Variants in SLC5A11 observed in about 807,000 individuals in gnomAD.
The protein encoded by SLC5A11 is solute carrier family 5 member 11.
Under a neutral mutation model 69.8 loss-of-function variants are expected in SLC5A11, and 48 were observed. That is an observed-to-expected ratio of 0.69 (90% CI 0.55 to 0.87). The LOEUF is 0.87. SLC5A11 is among the 40% of genes least tolerant of loss of function. SLC5A11 has a pLI of 0.00. For missense variants in SLC5A11, 784 were observed against 866.1 expected (o/e 0.91, Z 1.19); for synonymous variants, 319 against 342.4 (o/e 0.93, Z 0.75).
chr16:24,860,482 G>A (rs1426158995), intron 2 of SLC5A11, among the ~76,000 whole-genome samples: 2 of 152,038 alleles, frequency 1.3e-5, no homozygotes, highest in Non-Finnish European at 2.9e-5. Context: ...AATAAACTCT[G>A]TACACTGTTT....
chr16:24,874,349 A>C (rs972293155), intron 5 of SLC5A11, among the ~76,000 whole-genome samples: 2 of 152,176 alleles, frequency 1.3e-5, no homozygotes, highest in African/African-American at 4.8e-5. Context: ...ATCTACCTCT[A>C]AGTGGAATTT....
At chr16:24,895,360 G>A (rs1227365681) in intron 9 of SLC5A11, among the ~76,000 whole-genome samples, 1 of 151,278 alleles carries the variant, frequency 6.6e-6, no homozygotes, top group Non-Finnish European at 1.5e-5. Flanking sequence ...ATGGTGGCAG[G>A]ATCCTGTAAT....
exon 16 of SLC5A11, chr16:24,911,418 G>C (rs1446656584): frequency 6.2e-7 from 1 of 1,613,988 alleles, no homozygotes; most frequent in East Asian, 2.2e-5. Context: ...CTCCCGGCCA[G>C]AGCAGAAGCC....
intron 3 of SLC5A11, among the ~76,000 whole-genome samples, chr16:24,867,735 C>T (rs1294504589): frequency 6.6e-6 from 1 of 151,934 alleles, no homozygotes; most frequent in Non-Finnish European, 1.5e-5. Context: ...ATGCTGTGAG[C>T]AATTATATGC....
At chr16:24,883,531 G>A (rs1224268004) in intron 7 of SLC5A11, among the ~76,000 whole-genome samples, 1 of 152,174 alleles carries the variant, frequency 6.6e-6, no homozygotes, top group East Asian at 1.9e-4. Flanking sequence ...CAAGTCCATG[G>A]GTTCCTGGGT....
chr16:24,854,208 C>T (rs2059432197), intron 1 of SLC5A11, among the ~76,000 whole-genome samples: 1 of 152,174 alleles, frequency 6.6e-6, no homozygotes. Flanking sequence ...TCCCTCTGCC[C>T]CACTCCCCAA....
chr16:24,887,918 T>C (rs274070), intron 8 of SLC5A11, among the ~76,000 whole-genome samples: 112,511 of 151,966 alleles, frequency 0.74, 41,759 homozygotes, highest in Admixed American at 0.78. Context: ...AAAGAGATAA[T>C]CTTTGCTTAT....
chr16:24,863,000 ATTTATGTAATATATAG>A (rs2046691033), intron 3 of SLC5A11, among the ~76,000 whole-genome samples: 1 of 135,422 alleles, frequency 7.4e-6, no homozygotes, highest in Non-Finnish European at 1.6e-5. Context: ...ATAATCATAT[ATTTATGTAATATATAG>A]TTATATAATA....
intron 10 of SLC5A11, among the ~76,000 whole-genome samples, chr16:24,905,280 A>C (rs1173284909): frequency 2.4e-4 from 36 of 146,974 alleles, no homozygotes; most frequent in African/African-American, 7.8e-4. Flanking sequence ...AAAAAAAAAA[A>C]AAAAAAAAAA....
intron 5 of SLC5A11, 68 bp downstream of exon 6, chr16:24,872,287 C>T (rs908436285): frequency 1.3e-6 from 2 of 1,556,268 alleles, no homozygotes; most frequent in South Asian, 2.2e-5. Flanking sequence ...CCTGCAGTCC[C>T]TCCCTCATCC....
In SLC5A11 at chr16:24,904,073, G is replaced by A. The variant is rs376165979; in HGVS notation, c.1007-2584G>A. On this transcript the variant is annotated intron_variant, in intron 10 of 15. Transcript: ENST00000347898. ...AGTCCAAGCTCAGAAAATGCCAGAC[G>A]TTTATAAAACCATCAGATCTCATGA... Among the ~76,000 whole-genome samples, 8 of 152,256 alleles carry A rather than the reference G, an allele frequency of 5.3e-5. No homozygotes were observed. In the East Asian group the frequency reaches 5.8e-4, roughly 11 times the overall value.
chr16:24,873,419 C>T (rs2047463611), intron 5 of SLC5A11, among the ~76,000 whole-genome samples: 1 of 151,988 alleles, frequency 6.6e-6, no homozygotes, highest in Non-Finnish European at 1.5e-5. Flanking sequence ...TTGCTTGAAG[C>T]CAGGAGTTTG....
exon 6 of SLC5A11, chr16:24,875,681 A>G (rs774512626): frequency 1.2e-6 from 2 of 1,613,814 alleles, no homozygotes; most frequent in East Asian, 4.5e-5. Context: ...CAGAATCCCC[A>G]TCATCCTGGC....
At chr16:24,861,741 A>G (rs1388728599) in intron 2 of SLC5A11, among the ~76,000 whole-genome samples, 1 of 143,584 alleles carries the variant, frequency 7.0e-6, no homozygotes, top group Non-Finnish European at 1.6e-5. Context: ...AAGAAAAAGA[A>G]AGAAAGAAAA....
At chr16:24,878,428 T>A (rs2047826353) in intron 7 of SLC5A11, among the ~76,000 whole-genome samples, 1 of 152,204 alleles carries the variant, frequency 6.6e-6, no homozygotes, top group Non-Finnish European at 1.5e-5. Context: ...TATTATCTCA[T>A]CTTCCACTCT....
intron 8 of SLC5A11, 66 bp from the exon 10 acceptor site, chr16:24,890,803 C>T (rs748001457): frequency 3.6e-5 from 53 of 1,471,694 alleles, no homozygotes; most frequent in Non-Finnish European, 4.9e-5. Flanking sequence ...AGTCTCCAGC[C>T]ATCTCCTCAT....
At chr16:24,907,117 G>T in exon 12 of SLC5A11, 3 of 1,614,106 alleles carry the variant, frequency 1.9e-6, no homozygotes, top group Non-Finnish European at 2.5e-6. Flanking sequence ...CTTCACCATG[G>T]ACCTCTGGAA....
intron 7 of SLC5A11, among the ~76,000 whole-genome samples, chr16:24,881,746 G>T (rs2048057219): frequency 6.6e-6 from 1 of 152,144 alleles, no homozygotes; most frequent in Non-Finnish European, 1.5e-5. Flanking sequence ...TTGAGCAAAT[G>T]GTTATGTAGG....
Position 24,849,141 on chromosome 16 carries a change from C to T in SLC5A11, c.-25+2703C>T, listed in dbSNP as rs559381026. On this transcript the variant is annotated intron_variant, in intron 1 of 15. Transcript: ENST00000347898. Reference sequence around the variant, plus strand: ...ATGGACTAATGCCTTATAGATGACTCAGGTTTCTGGCAGGAGTGGCAGAGT... The same window carrying T: ...ATGGACTAATGCCTTATAGATGACTTAGGTTTCTGGCAGGAGTGGCAGAGT... 2.0e-5 allele frequency among the ~76,000 whole-genome samples: 3 copies of T among 152,274 alleles called. No individual in the cohort carries two copies. In the South Asian group the frequency reaches 6.2e-4, roughly 32 times the overall value.
Sources: gnomAD v4.1 joint callset for allele counts (sites outside exome capture counted in the v4.1 genomes callset) on GRCh38, gnomAD v4.1.1 for gene constraint, MANE v1.5 for transcripts, NCBI Gene and HGNC (gene_info 2026-07-23, HGNC 2026-07-21) for gene names.